Variants in HPS3 observed in about 807,000 individuals in gnomAD.
The protein encoded by HPS3 is HPS3 biogenesis of lysosomal organelles complex 2 subunit 1.
HPS3 carries 79 observed loss-of-function variants against 110.9 expected under a neutral mutation model. The observed-to-expected ratio is 0.71, with a 90% CI of 0.59 to 0.86. The LOEUF is 0.86. Among genes scored for constraint, HPS3 ranks in the 40% least tolerant of loss-of-function variants. The probability of loss-of-function intolerance (pLI) is 0.00; values close to 1 mark genes in which losing one functional copy is unlikely to be tolerated. For synonymous variants in HPS3, 428 were observed against 451.0 expected, an observed-to-expected ratio of 0.95 and a Z score of 0.65; for missense variants, 1,197 against 1,206.2, an observed-to-expected ratio of 0.99 and a Z score of 0.11.
rs751610735 is a variant in HPS3, at chr3:149,157,359, A to G, written c.1519A>G (p.Ser507Gly). The change falls in exon 9 of 17, where the codon AGC becomes GGC. Residue 507 changes from serine to glycine, a missense_variant. Physicochemically the swap from Ser to Gly is moderately conservative, Grantham distance 56. Transcript: ENST00000296051. ...VQLYKEMVDY[S>G]NTYKTVKTQS... ...TGTCTTTTTTGTTTAGGTAGACTAT[A>G]GCAATACCTATAAGACTGTCAAAAC... 1.9e-6 allele frequency: 3 copies of G among 1,613,426 alleles called. No homozygotes were observed. The highest frequency in any genetic ancestry group is 2.5e-6 in the Non-Finnish European group (3 of 1,179,568).
rs771822133 is a variant in HPS3, at chr3:149,145,441, A to G, written c.1058A>G (p.Tyr353Cys). The G allele has an allele frequency of 8.7e-6, 14 of 1,613,480 alleles. No homozygotes were observed. In the South Asian group the frequency reaches 1.2e-4, roughly 14 times the overall value. The change falls in exon 5 of 17, where the codon TAT becomes TGT. Residue 353 changes from tyrosine (Y) to cysteine (C), a missense_variant. Tyr to Cys is a radical substitution (Grantham distance 194). Coordinates refer to ENST00000296051, the MANE Select transcript of HPS3 (RefSeq NM_032383.5). ...FCFFSLPHVG[Y>C]LYMVVKSVEL... is the part of the protein sequence containing the mutation. ...TTTTTCTCCTTACCTCATGTGGGCT[A>G]TCTCTACATGGTTGTCAAATCTGTT...
chr3:149,134,790 G>A (rs1325830409), intron 1 of HPS3, among the ~76,000 whole-genome samples: 4 of 152,192 alleles, frequency 2.6e-5, no homozygotes, highest in Non-Finnish European at 5.9e-5. Context: ...CCTTACAGCA[G>A]GTTCAAGAGT....
In HPS3 at chr3:149,130,143, G is replaced by C. The variant is rs537974001; in HGVS notation, c.217+203G>C. On this transcript the variant is annotated intron_variant, in intron 1 of 16. Transcript: ENST00000296051. ...GTTGTCGCGGCAAGCATAGGTATGAGCTTGCTTCTGTCGGGGCGGAGACGC... is the reference window on the plus strand; with the variant it reads ...GTTGTCGCGGCAAGCATAGGTATGACCTTGCTTCTGTCGGGGCGGAGACGC... The C allele has an allele frequency of 1.6e-4, 93 of 589,858 alleles. No individual in the cohort carries two copies. In the African/African-American group the frequency reaches 1.6e-3, roughly 10 times the overall value. The allele number at this position is 589,858 out of a possible 1,614,324, so 36.5% of individuals were successfully genotyped here.
chr3:149,161,749 A>T (rs972593983), intron 11 of HPS3, among the ~76,000 whole-genome samples: 1 of 152,054 alleles, frequency 6.6e-6, no homozygotes, highest in Non-Finnish European at 1.5e-5. Flanking sequence ...ACCTCAAGTG[A>T]TCTGCCCTCC....
chr3:149,129,910 CG>C lies in HPS3; in HGVS notation c.190del (p.Val64CysfsTer14). On this transcript the variant is annotated frameshift_variant, in exon 1 of 17. Transcript: ENST00000296051. LOFTEE classifies it high-confidence loss of function. Reference sequence around the variant, plus strand: ...GCGGTGCGCCTTCTCCACGCTGGGCCGGGTGTTGCGCCTGGCCTACAGCGAG... The same window carrying C: ...GCGGTGCGCCTTCTCCACGCTGGGCCGGTGTTGCGCCTGGCCTACAGCGAG... ...QPRCAFSTLGRVLRLAYSEAG... is the reference protein window; with the variant it reads ...QPRCAFSTLGXVLRLAYSEAG... The C allele has an allele frequency of 6.4e-7, 1 of 1,566,926 alleles. No individual in the cohort carries two copies. Among genetic ancestry groups the C allele is most frequent in the Non-Finnish European group, 8.6e-7 (1 of 1,163,066 alleles).
Position 149,141,126 on chromosome 3 carries a change from G to A in HPS3, c.822G>A (p.Leu274=). ...AACAGTCTGGATTATCTGTTACACT[G>A]GAGTCTACGGGATTAGCTGATGAAA... is the stretch of plus-strand genomic sequence containing the variant. The part of the protein sequence containing the change: ...KSEQSGLSVT[L]ESTGLADEKR... Residue 274 remains leucine, a synonymous_variant, in exon 3 of 17, where the codon CTG becomes CTA. Transcript: ENST00000296051. The A allele has an allele frequency of 6.2e-7, 1 of 1,613,276 alleles. No individual in the cohort carries two copies. Among genetic ancestry groups the A allele is most frequent in the Non-Finnish European group, 8.5e-7 (1 of 1,179,870 alleles).
At position 149,141,403 on chromosome 3, in the gene HPS3, G is replaced by A. The variant is rs201568134; in HGVS notation, c.970+23G>A. ...CCGGTAAGCATGACAGTGCAGGAGT[G>A]CGACAGTGCAGCAAGGTGAAAATGC... On this transcript the variant is annotated intron_variant, in intron 4 of 16. Transcript: ENST00000296051. 149 of 1,575,878 alleles carry A rather than the reference G, an allele frequency of 9.5e-5. No homozygotes were observed. In the East Asian group the frequency reaches 3.3e-3, roughly 35 times the overall value.
intron 1 of HPS3, among the ~76,000 whole-genome samples, chr3:149,132,572 T>C (rs1227180237): frequency 6.6e-6 from 1 of 152,232 alleles, no homozygotes. Flanking sequence ...TCAAGACCTC[T>C]GATGGAGATG....
rs201408196 is a variant in HPS3 at position 149,149,644 on chromosome 3, C to T, written c.1164-955C>T. 8.3e-4 allele frequency among the ~76,000 whole-genome samples: 125 copies of T among 150,934 alleles called. 3 individuals carry two copies. The East Asian group carries it at 0.022, about 27-fold the overall frequency. ...ATATTACTGTTAGGTTTGCTTTAGT[C>T]TTTTTTTTTATTTTAAAGAGTTCGT... On this transcript the variant is annotated intron_variant, in intron 5 of 16. Transcript: ENST00000296051.
At chr3:149,152,472 C>T (rs565161673) in intron 6 of HPS3, among the ~76,000 whole-genome samples, 104 of 152,226 alleles carry the variant, frequency 6.8e-4, no homozygotes, top group Non-Finnish European at 1.3e-3. Flanking sequence ...GCCCTTGAGG[C>T]CAGTGGAGGT....
chr3:149,131,448 A>G (rs2108115240), intron 1 of HPS3, among the ~76,000 whole-genome samples: 1 of 152,292 alleles, frequency 6.6e-6, no homozygotes, highest in East Asian at 1.9e-4. Flanking sequence ...CAATATTTCA[A>G]ACTTTATCAT....
rs1346681680 is a variant in HPS3, at chr3:149,158,808, C to T, written c.1834C>T (p.His612Tyr). 1.9e-6 allele frequency: 3 copies of T among 1,604,990 alleles called. No homozygotes were observed. Among genetic ancestry groups the T allele is most frequent in the Admixed American group, 3.3e-5 (2 of 59,894 alleles). Reference protein sequence around the residue: ...YERGLIFYINHSLYENLDEEL... With the variant: ...YERGLIFYINYSLYENLDEEL... The stretch of plus-strand genomic sequence containing the variant: ...GAGAGGATTAATCTTTTACATTAAT[C>T]ATTCACTTTATGAAAACCTGGATGA... Residue 612 changes from histidine (H) to tyrosine (Y), a missense_variant, in exon 10 of 17, where the codon CAT becomes TAT. His to Tyr is a moderately conservative substitution (Grantham distance 83). Transcript: ENST00000296051.
chr3:149,147,328 CA>C (rs902670179), intron 5 of HPS3, among the ~76,000 whole-genome samples: 8 of 149,126 alleles, frequency 5.4e-5, no homozygotes, highest in South Asian at 4.2e-4. Flanking sequence ...TTACTACCGC[CA>C]AAAAAAAAGT....
rs1725082961 is a variant in HPS3 at position 149,172,318 on chromosome 3, T to TCACTCACACA, written c.*99_*100insTCACACACAC. The TCACTCACACA allele has an allele frequency of 1.9e-6, 1 of 532,658 alleles. No individual in the cohort carries two copies. The highest frequency in any genetic ancestry group is 2.5e-5 in the Admixed American group (1 of 40,646). The allele number at this position is 532,658 out of a possible 1,614,324, so 33.0% of individuals were successfully genotyped here. On this transcript the variant is annotated 3_prime_UTR_variant, in exon 17 of 17. Transcript: ENST00000296051. ...GTAGAGGAGTTTTTTATTTTATATA[T>TCACTCACACA]CACACACACACACACACACACACAC...
rs779283322 is a variant in HPS3 at position 149,149,109 on chromosome 3, ACGC to A, written c.1164-1488_1164-1486del. On this transcript the variant is annotated intron_variant, in intron 5 of 16. Coordinates refer to ENST00000296051, the MANE Select transcript of HPS3 (RefSeq NM_032383.5). ...GCTAAGACTACAGGCGCCCACCACCACGCCCAGCTAATTTTTTTTTTTTTTTTG... is the reference window on the plus strand; with the variant it reads ...GCTAAGACTACAGGCGCCCACCACCACCAGCTAATTTTTTTTTTTTTTTTG... Among the ~76,000 whole-genome samples, 108 of 147,470 alleles carry A rather than the reference ACGC, an allele frequency of 7.3e-4. 2 individuals are homozygous for A. The South Asian group carries it at 7.6e-3, about 10-fold the overall frequency.
At chr3:149,158,397 C>A (rs1405608055) in intron 9 of HPS3, among the ~76,000 whole-genome samples, 1 of 152,120 alleles carries the variant, frequency 6.6e-6, no homozygotes, top group African/African-American at 2.4e-5. Flanking sequence ...GAGTTTGTTT[C>A]AGTTACTAAT....
At chr3:149,137,778 A>G (rs1722202398) in intron 1 of HPS3, among the ~76,000 whole-genome samples, 1 of 152,210 alleles carries the variant, frequency 6.6e-6, no homozygotes, top group Non-Finnish European at 1.5e-5. Context: ...TCAAATTCAT[A>G]GAGATAGTAT....
chr3:149,151,587 TAAAAAAAAAAAAAAAAA>T (rs1167453087), intron 6 of HPS3, among the ~76,000 whole-genome samples: 3 of 40,300 alleles, frequency 7.4e-5, no homozygotes, highest in East Asian at 8.4e-4. Context: ...GCTTGGTTTC[TAAAAAAAAAAAAAAAAA>T]AAAAAAAAAA....
intron 7 of HPS3, chr3:149,153,970 CTTTTTA>C: frequency 3.3e-6 from 1 of 303,574 alleles, no homozygotes; most frequent in South Asian, 4.4e-5. Context: ...AACTACAGGA[CTTTTTA>C]CTGTCTTTCT....
Sources: allele counts gnomAD v4.1 joint callset (sites outside exome capture counted in the v4.1 genomes callset), GRCh38; gene constraint gnomAD v4.1.1; transcripts MANE v1.5; gene names NCBI Gene and HGNC (gene_info 2026-07-23, HGNC 2026-07-21).